SLC24A3: variants seen among roughly 807,000 people sequenced by gnomAD.
SLC24A3 encodes the protein solute carrier family 24 member 3.
Under a neutral mutation model 75.8 loss-of-function variants are expected in SLC24A3, and 28 were observed. The ratio of observed to expected loss-of-function variants is 0.37; its 90% confidence interval spans 0.27 to 0.51. The LOEUF is 0.51. Ranked by LOEUF, SLC24A3 falls within the 20% of genes least tolerant of loss-of-function variation. The pLI, the probability that SLC24A3 is intolerant of heterozygous loss-of-function variation, is 0.94. For synonymous variants in SLC24A3, 372 were observed against 334.1 expected (o/e 1.11, Z -1.24); for missense variants, 663 against 847.8 (o/e 0.78, Z 2.71).
intron 2 of SLC24A3, among the ~76,000 whole-genome samples, chr20:19,480,471 G>A (rs1246874953): frequency 6.6e-6 from 1 of 152,158 alleles, no homozygotes; most frequent in Non-Finnish European, 1.5e-5. Context: ...GCCTGAATTC[G>A]GGGTTAAAAA....
chr20:19,692,817 T>C (rs1399004638), intron 12 of SLC24A3, among the ~76,000 whole-genome samples: 2 of 152,204 alleles, frequency 1.3e-5, no homozygotes, highest in African/African-American at 2.4e-5. Context: ...CTGCGTCCGC[T>C]GACGCTTTAT....
chr20:19,620,595 G>A (rs2031791313), intron 6 of SLC24A3, among the ~76,000 whole-genome samples: 1 of 152,206 alleles, frequency 6.6e-6, no homozygotes, highest in Admixed American at 6.5e-5. Context: ...CTGTCACTGG[G>A]ACACTAGCAC....
chr20:19,315,073 G>A lies in SLC24A3; in HGVS notation c.271+33986G>A, dbSNP rs576028187. Reference sequence around the variant, plus strand: ...CAGGTCACTTGCTTCTGAGGCACCCGCGTTCTGTCCCATCTGCTCTGTTTC... The same window carrying A: ...CAGGTCACTTGCTTCTGAGGCACCCACGTTCTGTCCCATCTGCTCTGTTTC... On this transcript the variant is annotated intron_variant, in intron 2 of 16. Coordinates refer to ENST00000328041, the MANE Select transcript of SLC24A3 (RefSeq NM_020689.4). Among the ~76,000 whole-genome samples, 5 of 152,294 alleles carry A rather than the reference G, an allele frequency of 3.3e-5. No homozygotes were observed. In the South Asian group the frequency reaches 8.3e-4, roughly 25 times the overall value.
chr20:19,664,528 A>G (rs540132398), intron 7 of SLC24A3, among the ~76,000 whole-genome samples: 1 of 152,354 alleles, frequency 6.6e-6, no homozygotes, highest in African/African-American at 2.4e-5. Flanking sequence ...AATTGGAAAG[A>G]GTTGCTTTAT....
chr20:19,663,931 G>T (rs142235096), intron 7 of SLC24A3, among the ~76,000 whole-genome samples: 2 of 152,168 alleles, frequency 1.3e-5, no homozygotes, highest in Non-Finnish European at 2.9e-5. Flanking sequence ...CAGGGTGAGC[G>T]ATCTCCAAGC....
chr20:19,322,944 C>T (rs1443598318), intron 2 of SLC24A3, among the ~76,000 whole-genome samples: 1 of 152,096 alleles, frequency 6.6e-6, no homozygotes, highest in Non-Finnish European at 1.5e-5. Context: ...CGGTGGCTCA[C>T]GCCTGTAATT....
intron 2 of SLC24A3, among the ~76,000 whole-genome samples, chr20:19,289,161 T>C (rs1400748772): frequency 6.6e-6 from 1 of 152,118 alleles, no homozygotes; most frequent in Non-Finnish European, 1.5e-5. Flanking sequence ...TGGGGGTCTG[T>C]GATTCAGGTA....
intron 6 of SLC24A3, among the ~76,000 whole-genome samples, chr20:19,618,685 A>G (rs75620870): frequency 0.03 from 4,620 of 152,268 alleles, 246 homozygotes; most frequent in African/African-American, 0.11. Flanking sequence ...CCACATACGA[A>G]AAATGGGCAC....
chr20:19,585,829 A>G (rs2031286701), intron 6 of SLC24A3, among the ~76,000 whole-genome samples: 1 of 152,238 alleles, frequency 6.6e-6, no homozygotes. Flanking sequence ...GAAGGGTTCC[A>G]CATTCATTTT....
intron 3 of SLC24A3, among the ~76,000 whole-genome samples, chr20:19,572,779 G>A (rs1245702430): frequency 1.3e-5 from 2 of 152,112 alleles, no homozygotes. Context: ...AATGGTTCCA[G>A]AACAATGATA....
chr20:19,491,749 G>C (rs1399949328), intron 2 of SLC24A3, among the ~76,000 whole-genome samples: 1 of 152,236 alleles, frequency 6.6e-6, no homozygotes, highest in African/African-American at 2.4e-5. Flanking sequence ...GGAGAGGAAA[G>C]AGGAAGGGAA....
intron 1 of SLC24A3, among the ~76,000 whole-genome samples, chr20:19,238,370 A>G (rs533268029): frequency 2.0e-5 from 3 of 152,310 alleles, no homozygotes; most frequent in African/African-American, 7.2e-5. Context: ...ACTGATGGAC[A>G]TTTGTGTGAT....
chr20:19,216,555 G>A (rs1438850484), intron 1 of SLC24A3, among the ~76,000 whole-genome samples: 1 of 152,016 alleles, frequency 6.6e-6, no homozygotes, highest in Non-Finnish European at 1.5e-5. Context: ...GTTGCAGTGA[G>A]CCATCATTGT....
intron 6 of SLC24A3, among the ~76,000 whole-genome samples, chr20:19,651,402 T>C (rs4814881): frequency 0.18 from 19,113 of 107,856 alleles, 1,332 homozygotes; most frequent in African/African-American, 0.22. Flanking sequence ...TATACACACA[T>C]ATATATATAT....
intron 2 of SLC24A3, among the ~76,000 whole-genome samples, chr20:19,332,701 A>G (rs1047913223): frequency 1.3e-5 from 2 of 152,144 alleles, no homozygotes; most frequent in African/African-American, 4.8e-5. Context: ...TCAGAAGGGT[A>G]TTTGGGGGTT....
intron 3 of SLC24A3, among the ~76,000 whole-genome samples, chr20:19,551,063 G>T (rs2030686073): frequency 1.3e-5 from 2 of 152,204 alleles, no homozygotes; most frequent in African/African-American, 4.8e-5. Context: ...CTAGATGCCT[G>T]TTTCTCTCAA....
rs1443775978 is a variant in SLC24A3, at chr20:19,290,676, C to T, written c.271+9589C>T. Among the ~76,000 whole-genome samples the T allele has an allele frequency of 3.9e-5, 6 of 152,158 alleles. No individual in the cohort carries two copies. The East Asian group carries it at 5.8e-4, about 15-fold the overall frequency. On this transcript the variant is annotated intron_variant, in intron 2 of 16. Transcript: ENST00000328041. ...AGTCTATGGTGTTCTATTATAGCAG[C>T]GTGAACAGCAGGTGAGAATGGTGGC...
At chr20:19,558,121 GAAGAA>G (rs2030819271) in intron 3 of SLC24A3, among the ~76,000 whole-genome samples, 1 of 152,130 alleles carries the variant, frequency 6.6e-6, no homozygotes, top group Non-Finnish European at 1.5e-5. Flanking sequence ...CAGGGCCCTT[GAAGAA>G]ACATCAGGTT....
intron 3 of SLC24A3, among the ~76,000 whole-genome samples, chr20:19,531,200 C>A (rs549094551): frequency 1.3e-5 from 2 of 152,154 alleles, no homozygotes; most frequent in African/African-American, 4.8e-5. Flanking sequence ...CCACTGGTCA[C>A]CCATTTTATT....
Sources: allele counts gnomAD v4.1 joint callset (sites outside exome capture counted in the v4.1 genomes callset), GRCh38; gene constraint gnomAD v4.1.1; transcripts MANE v1.5; gene names NCBI Gene and HGNC (gene_info 2026-07-23, HGNC 2026-07-21).